CSMD2: variants seen among roughly 807,000 people sequenced by gnomAD.
The protein encoded by CSMD2 is CUB and sushi domain-containing protein 2.
In CSMD2, 130 loss-of-function variants were observed where a neutral mutation model predicts 398.5. The ratio of observed to expected loss-of-function variants is 0.33; its 90% confidence interval spans 0.28 to 0.38. The LOEUF is 0.38. CSMD2 is among the 10% of genes least tolerant of loss of function. The pLI is 1.00. For synonymous variants in CSMD2, 1,828 were observed against 1,908.5 expected (o/e 0.96, Z 1.10); for missense variants, 3,829 against 4,764.9 (o/e 0.80, Z 5.78).
chr1:33,771,428 T>G lies in CSMD2; in HGVS notation c.1846+1141A>C, dbSNP rs10914776. 5.6e-3 allele frequency among the ~76,000 whole-genome samples: 855 copies of G among 152,300 alleles called. 6 individuals are homozygous for G. The highest frequency in any genetic ancestry group is 0.019 in the African/African-American group (780 of 41,560). ...GGGCAGATATCATGCAATTTATTTT[T>G]TTTTCAATAAGGGTGAGTTGTTCAA... On this transcript the variant is annotated intron_variant, in intron 13 of 70. Transcript: ENST00000373381.
At chr1:33,933,324 T>C (rs978109917) in intron 4 of CSMD2, among the ~76,000 whole-genome samples, 5 of 152,088 alleles carry the variant, frequency 3.3e-5, no homozygotes, top group African/African-American at 1.2e-4. Context: ...CTGGAGATAT[T>C]AGGAGGGTTA....
intron 5 of CSMD2, among the ~76,000 whole-genome samples, chr1:33,868,713 GT>G (rs1640219007): frequency 6.7e-6 from 1 of 149,876 alleles, no homozygotes. Context: ...TCCAGCCTGG[GT>G]GACAGAGTGA....
rs4044501 is a variant in CSMD2 at position 33,645,344 on chromosome 1, T to TACACAC, written c.4774+1298_4774+1303dup. On this transcript the variant is annotated intron_variant, in intron 29 of 70. Transcript: ENST00000373381. Reference sequence around the variant, plus strand: ...AGTGTTTAGTACATATGGAGCATTATACACACACACACACACACACACACA... The same window carrying TACACAC: ...AGTGTTTAGTACATATGGAGCATTATACACACACACACACACACACACACACACACA... Among the ~76,000 whole-genome samples, 177 of 136,362 alleles carry TACACAC rather than the reference T, an allele frequency of 1.3e-3. 1 individual carries two copies. Among genetic ancestry groups the TACACAC allele is most frequent in the South Asian group, 5.3e-3 (21 of 3,964 alleles). 89.5% of individuals were successfully genotyped at this position (136,362 alleles called of 152,430 possible). A position where few individuals can be genotyped will look rare whatever the true frequency, so the allele number is the denominator to read the frequency against.
chr1:33,742,588 C>CA (rs1647113603), intron 14 of CSMD2, among the ~76,000 whole-genome samples: 3 of 143,234 alleles, frequency 2.1e-5, no homozygotes, highest in South Asian at 2.5e-4. Flanking sequence ...CCCCCCCCCC[C>CA]CCAACCCCCT....
At chr1:33,591,796 T>A (rs927276914) in intron 44 of CSMD2, 4 of 152,742 alleles carry the variant, frequency 2.6e-5, no homozygotes, top group African/African-American at 7.2e-5. Context: ...AGCTAATTTT[T>A]TTTTTTTTTT....
chr1:33,839,246 CCA>C (rs1205582112), intron 6 of CSMD2: 4 of 152,072 alleles, frequency 2.6e-5, no homozygotes, highest in African/African-American at 9.7e-5. Context: ...TTAATTGTAC[CCA>C]CCTTAAAATT....
chr1:34,092,772 C>G (rs373055978), intron 1 of CSMD2, among the ~76,000 whole-genome samples: 2 of 152,116 alleles, frequency 1.3e-5, no homozygotes, highest in African/African-American at 2.4e-5. Context: ...CACGGAGTCT[C>G]GCTGATTGCT....
chr1:33,756,762 A>G (rs148700733), intron 13 of CSMD2, among the ~76,000 whole-genome samples: 29 of 152,294 alleles, frequency 1.9e-4, no homozygotes, highest in African/African-American at 7.0e-4. Context: ...GAGTCCAGGG[A>G]TCTAGAACTA....
intron 3 of CSMD2, among the ~76,000 whole-genome samples, chr1:33,982,672 T>C (rs570682595): frequency 6.6e-6 from 1 of 152,346 alleles, no homozygotes; most frequent in East Asian, 1.9e-4. Flanking sequence ...ATAGGAGACC[T>C]GCCAGTTGGT....
Position 33,622,263 on chromosome 1 carries a change from C to A in CSMD2, c.5731G>T (p.Val1911Leu). 6.2e-7 allele frequency: 1 copy of A among 1,613,680 alleles called. No homozygotes were observed. The highest frequency in any genetic ancestry group is 1.1e-5 in the South Asian group (1 of 91,068). ...TMLGSFSGTT[V>L]PALLNSTSNQ... ...GAGGTGCTGTTCAGAAGGGCAGGCA[C>A]GGTTGTTCCTAGGGCAAGGACACCA... Residue 1911 changes from valine (V) to leucine (L), a missense_variant, in exon 37 of 71, where the codon GTG becomes TTG. Val to Leu is a conservative substitution (Grantham distance 32). Coordinates refer to ENST00000373381, the MANE Select transcript of CSMD2 (RefSeq NM_001281956.2).
At chr1:34,134,152 T>C (rs1022833023) in intron 1 of CSMD2, among the ~76,000 whole-genome samples, 4 of 151,610 alleles carry the variant, frequency 2.6e-5, no homozygotes, top group Non-Finnish European at 5.9e-5. Context: ...CTCATGCTTG[T>C]GGTCTCCATG....
At chr1:34,102,632 TCCGG>T (rs1170533947) in intron 1 of CSMD2, among the ~76,000 whole-genome samples, 1 of 58,170 alleles carries the variant, frequency 1.7e-5, no homozygotes, top group East Asian at 5.2e-4. Flanking sequence ...ATCCCTGTAA[TCCGG>T]CCATATCCCT....
At position 33,648,349 on chromosome 1, in the gene CSMD2, G is replaced by A. The variant is rs184914451; in HGVS notation, c.4587-1514C>T. Among the ~76,000 whole-genome samples, 401 of 140,944 alleles carry A rather than the reference G, an allele frequency of 2.8e-3. 3 individuals are homozygous for A. The highest frequency in any genetic ancestry group is 9.9e-3 in the African/African-American group (373 of 37,716). The allele number at this position is 140,944 out of a possible 152,430, so 92.5% of individuals were successfully genotyped here. A position where few individuals can be genotyped will look rare whatever the true frequency, so the allele number is the denominator to read the frequency against. ...TGTACTCCAGTCTGGGTGACAGAGC[G>A]AGACTCTGTCTCAAAAAAAAAAAAA... On this transcript the variant is annotated intron_variant, in intron 28 of 70. Transcript: ENST00000373381.
chr1:33,897,015 C>A (rs1642435318), intron 5 of CSMD2, among the ~76,000 whole-genome samples: 1 of 151,232 alleles, frequency 6.6e-6, no homozygotes, highest in South Asian at 2.1e-4. Flanking sequence ...GTGGAGGGGG[C>A]AGGGTTACAG....
intron 62 of CSMD2, among the ~76,000 whole-genome samples, chr1:33,535,938 C>T (rs545271622): frequency 7.9e-5 from 12 of 152,110 alleles, no homozygotes; most frequent in Non-Finnish European, 1.3e-4. Context: ...ATCACCGTGT[C>T]GTGTCTACTG....
intron 51 of CSMD2, among the ~76,000 whole-genome samples, chr1:33,570,746 G>GTCA (rs1389122407): frequency 2.0e-5 from 3 of 152,116 alleles, no homozygotes; most frequent in African/African-American, 7.2e-5. Flanking sequence ...ACCTAGGAAG[G>GTCA]TCATGTCCCA....
At position 33,935,757 on chromosome 1, in the gene CSMD2, T is replaced by C. The variant is rs1266941625; in HGVS notation, c.712+3A>G. 2 of 1,596,556 alleles carry C rather than the reference T, an allele frequency of 1.3e-6. No individual in the cohort carries two copies. Among genetic ancestry groups the C allele is most frequent in the Non-Finnish European group, 1.7e-6 (2 of 1,172,006 alleles). Reference sequence around the variant, plus strand: ...TCTGTCAGACCCCTTGCTGGCCACCTACCTCTGCAGGAAGGCAGGGGGAAG... The same window carrying C: ...TCTGTCAGACCCCTTGCTGGCCACCCACCTCTGCAGGAAGGCAGGGGGAAG... On this transcript the variant is annotated splice_donor_region_variant and intron_variant, in intron 4 of 70. Coordinates refer to ENST00000373381, the MANE Select transcript of CSMD2 (RefSeq NM_001281956.2).
intron 29 of CSMD2, among the ~76,000 whole-genome samples, chr1:33,641,972 G>T (rs994376261): frequency 6.6e-6 from 1 of 152,210 alleles, no homozygotes; most frequent in African/African-American, 2.4e-5. Flanking sequence ...CCATGATGCT[G>T]CTCAGTGGAC....
intron 5 of CSMD2, chr1:33,873,511 C>A (rs1469212185): frequency 6.6e-6 from 1 of 152,220 alleles, no homozygotes; most frequent in East Asian, 1.9e-4. Flanking sequence ...TATCCTCTCT[C>A]TCTGGCTCTA....
Sources: allele counts gnomAD v4.1 joint callset (sites outside exome capture counted in the v4.1 genomes callset), GRCh38; gene constraint gnomAD v4.1.1; transcripts MANE v1.5; gene names NCBI Gene and HGNC (gene_info 2026-07-23, HGNC 2026-07-21).